The following SNX1 variants were observed in gnomAD, a reference collection of about 807,000 sequenced individuals.
SNX1 encodes the protein sorting nexin-1.
Under a neutral mutation model 71.8 loss-of-function variants are expected in SNX1, and 36 were observed. The observed-to-expected ratio is 0.50, with a 90% CI of 0.38 to 0.66. The LOEUF (loss-of-function observed/expected upper bound fraction) is 0.66. Ranked by LOEUF, SNX1 falls within the 30% of genes least tolerant of loss-of-function variation. SNX1 has a pLI of 0.00. For missense variants in SNX1, 612 were observed against 646.7 expected (o/e 0.95, Z 0.58); for synonymous variants, 254 against 240.7 (o/e 1.06, Z -0.51).
intron 1 of SNX1, among the ~76,000 whole-genome samples, chr15:64,111,948 C>T (rs1372961131): frequency 1.3e-5 from 2 of 152,224 alleles, no homozygotes. Flanking sequence ...ACTGTATTTT[C>T]ACCATGTGCT....
At chr15:64,100,327 C>T (rs117220873) in intron 1 of SNX1, among the ~76,000 whole-genome samples, 1,665 of 152,236 alleles carry the variant, frequency 0.011, 14 homozygotes, top group Middle Eastern at 0.034. Context: ...ATTGGCCAGG[C>T]GCAGTGGCTC....
intron 1 of SNX1, among the ~76,000 whole-genome samples, chr15:64,097,813 C>T (rs1339004783): frequency 6.6e-6 from 1 of 152,140 alleles, no homozygotes; most frequent in Non-Finnish European, 1.5e-5. Flanking sequence ...GTGTAACCAA[C>T]TAAATAAAAC....
At position 64,140,983 on chromosome 15, in the gene SNX1, T is replaced by TGATAGATTGATAGATAGATA. The variant is rs2081406976; in HGVS notation, c.*3372_*3373insTGATAGATAGATAGATAGAT. The TGATAGATTGATAGATAGATA allele has an allele frequency of 1.3e-5, 2 of 148,780 alleles. No homozygotes were observed. The highest frequency in any genetic ancestry group is 3.0e-5 in the Non-Finnish European group (2 of 67,662). The allele number at this position is 148,780 out of a possible 1,614,324, so 9.2% of individuals were successfully genotyped here. A position where few individuals can be genotyped will look rare whatever the true frequency, so the allele number is the denominator to read the frequency against. ...GCTCTCACCATACAGTGCAAAGAGA[T>TGATAGATTGATAGATAGATA]GATAGATAGATAGATAGATAGATAG... On this transcript the variant is annotated 3_prime_UTR_variant, in exon 15 of 15. Coordinates refer to ENST00000559844, the MANE Select transcript of SNX1 (RefSeq NM_003099.5).
chr15:64,100,817 A>T (rs796752339), intron 1 of SNX1, among the ~76,000 whole-genome samples: 4 of 152,248 alleles, frequency 2.6e-5, no homozygotes, highest in African/African-American at 9.6e-5. Flanking sequence ...TTGTTTGTTG[A>T]TAAATAAATA....
intron 5 of SNX1, 89 bp from the exon 6 acceptor site, chr15:64,125,990 A>G: frequency 5.8e-6 from 8 of 1,379,796 alleles, no homozygotes; most frequent in Non-Finnish European, 8.2e-6. Flanking sequence ...GATCTGGGAA[A>G]TGGGTTTCTT....
chr15:64,142,675 G>T lies in SNX1; in HGVS notation c.*5057G>T, dbSNP rs1649853766. ...TAAGCCAAGTTTTTTTAGATAAAAG[G>T]TATGGAACCTGCTTTCCCCTTGGCT... On this transcript the variant is annotated 3_prime_UTR_variant, in exon 15 of 15. Coordinates refer to ENST00000559844, the MANE Select transcript of SNX1 (RefSeq NM_003099.5). The T allele has an allele frequency of 4.4e-6, 2 of 456,036 alleles. No individual in the cohort carries two copies. Among genetic ancestry groups the T allele is most frequent in the East Asian group, 6.9e-5 (1 of 14,400 alleles). The allele number at this position is 456,036 out of a possible 1,614,324, so 28.2% of individuals were successfully genotyped here. A position where few individuals can be genotyped will look rare whatever the true frequency, so the allele number is the denominator to read the frequency against.
intron 5 of SNX1, among the ~76,000 whole-genome samples, chr15:64,124,241 T>G (rs1282658999): frequency 6.7e-6 from 1 of 149,164 alleles, no homozygotes. Flanking sequence ...TCACGGTGGC[T>G]CACGCCTGTA....
intron 6 of SNX1, 64 bp from the exon 7 acceptor site, chr15:64,127,105 TAAAAA>T: frequency 9.2e-7 from 1 of 1,085,176 alleles, no homozygotes; most frequent in Admixed American, 2.3e-5. Flanking sequence ...TGTTGACACT[TAAAAA>T]AAAAAAAGAT....
At position 64,134,668 on chromosome 15, in the gene SNX1, C is replaced by T; in HGVS notation, c.1226C>T (p.Ala409Val). The T allele has an allele frequency of 6.2e-7, 1 of 1,610,944 alleles. No individual in the cohort carries two copies. Among genetic ancestry groups the T allele is most frequent in the Non-Finnish European group, 8.5e-7 (1 of 1,178,724 alleles). The change falls in exon 12 of 15, where the codon GCC (alanine) becomes GTC (valine). Residue 409 changes from alanine to valine, a missense_variant. This residue lies in a region of SNX1 where 296 missense variants were observed against 361.9 expected (regional missense o/e 0.82). Transcript: ENST00000559844. This position sits in a 1 kb window ranked among gnomAD's most constrained non-coding sequence, Gnocchi z 4.1. ...TCCTCAACCCCACCCCCACAGGCTG[C>T]CTTCGACCAGCGCATGAAGACATGG... The part of the protein sequence containing the change: ...YIRLLAIVRA[A>V]FDQRMKTWQR...
intron 1 of SNX1, among the ~76,000 whole-genome samples, chr15:64,109,197 C>G (rs986025315): frequency 6.6e-6 from 1 of 151,946 alleles, no homozygotes; most frequent in African/African-American, 2.4e-5. Flanking sequence ...ATGGTGAAAC[C>G]CCGTCTCTAC....
chr15:64,109,230 G>A (rs2081053617), intron 1 of SNX1, among the ~76,000 whole-genome samples: 1 of 151,982 alleles, frequency 6.6e-6, no homozygotes, highest in African/African-American at 2.4e-5. Context: ...AAAGTTAGTT[G>A]GGTGTGGTGG....
intron 1 of SNX1, among the ~76,000 whole-genome samples, chr15:64,098,824 A>G (rs1375943565): frequency 6.6e-6 from 1 of 152,162 alleles, no homozygotes; most frequent in Non-Finnish European, 1.5e-5. Flanking sequence ...CCTAATTTCC[A>G]GCTAAAAGAG....
intron 2 of SNX1, among the ~76,000 whole-genome samples, chr15:64,116,265 A>G (rs540433451): frequency 6.6e-6 from 1 of 152,346 alleles, no homozygotes; most frequent in South Asian, 2.1e-4. Flanking sequence ...TTGCATCCTC[A>G]CATTGAGTAA....
chr15:64,137,562 TTGCAGC>T lies in SNX1; in HGVS notation c.1519-3_1521del, dbSNP rs1253107330. Reference sequence around the variant, plus strand: ...GCACTTGCTTAATGTCCCCACTTCTTTGCAGCTGGCAAAGTACTGGGAAGCCTTCCT... The same window carrying T: ...GCACTTGCTTAATGTCCCCACTTCTTTGGCAAAGTACTGGGAAGCCTTCCT... On this transcript the variant is annotated splice_acceptor_variant and splice_polypyrimidine_tract_variant and coding_sequence_variant and intron_variant, in exon 15 of 15. Transcript: ENST00000559844. LOFTEE classifies it high-confidence loss of function. 1 of 1,614,160 alleles carries T rather than the reference TTGCAGC, an allele frequency of 6.2e-7. No individual in the cohort carries two copies. Among genetic ancestry groups the T allele is most frequent in the Non-Finnish European group, 8.5e-7 (1 of 1,180,004 alleles).
Position 64,143,065 on chromosome 15 carries a change from G to T in SNX1, c.*5447G>T, listed in dbSNP as rs556298744. 3.4e-5 allele frequency: 6 copies of T among 177,754 alleles called. 1 individual carries two copies. The South Asian group carries it at 7.1e-4, about 21-fold the overall frequency. The allele number at this position is 177,754 out of a possible 1,614,324, so 11.0% of individuals were successfully genotyped here. On this transcript the variant is annotated 3_prime_UTR_variant, in exon 15 of 15. Coordinates refer to ENST00000559844, the MANE Select transcript of SNX1 (RefSeq NM_003099.5). ...AGCCCATAGACTTCAAGGACATCAA[G>T]CCCCAAGGTGGTGGGATTTTCCCCA...
rs1239082543 is a variant in SNX1, at chr15:64,142,750, G to A, written c.*5132G>A. 1.3e-5 allele frequency: 6 copies of A among 455,462 alleles called. No individual in the cohort carries two copies. In the Admixed American group the frequency reaches 1.4e-4, roughly 11 times the overall value. The allele number at this position is 455,462 out of a possible 1,614,324, so 28.2% of individuals were successfully genotyped here. A position where few individuals can be genotyped will look rare whatever the true frequency, so the allele number is the denominator to read the frequency against. ...GCTGAAGATGAGGACTGGACTTCGA[G>A]CTGGTGTGATCCCAGTATTCAGTGT... On this transcript the variant is annotated 3_prime_UTR_variant, in exon 15 of 15. Coordinates refer to ENST00000559844, the MANE Select transcript of SNX1 (RefSeq NM_003099.5).
chr15:64,124,144 T>TTGCATATATATATATATA (rs1567327009), intron 5 of SNX1, among the ~76,000 whole-genome samples: 1 of 60,978 alleles, frequency 1.6e-5, no homozygotes, highest in African/African-American at 2.2e-4. Context: ...TAAGAAATCT[T>TTGCATATATATATATATA]TACATATATA....
At chr15:64,122,908 T>C (rs914860532) in intron 4 of SNX1, among the ~76,000 whole-genome samples, 2 of 152,012 alleles carry the variant, frequency 1.3e-5, no homozygotes, top group African/African-American at 4.8e-5. Context: ...AAAGGGAGAT[T>C]TGTGTGACAT....
chr15:64,131,770 C>G lies in SNX1; in HGVS notation c.1099C>G (p.Leu367Val). 1.2e-6 allele frequency: 2 copies of G among 1,614,228 alleles called. No homozygotes were observed. Among genetic ancestry groups the G allele is most frequent in the Non-Finnish European group, 1.7e-6 (2 of 1,180,046 alleles). Reference sequence around the variant, plus strand: ...GGACAACACGGCATTGTCACGGGCACTCTCCCAGCTGGCTGAGGTGGAAGA... The same window carrying G: ...GGACAACACGGCATTGTCACGGGCAGTCTCCCAGCTGGCTGAGGTGGAAGA... Reference protein sequence around the residue: ...SEDNTALSRALSQLAEVEEKI... With the variant: ...SEDNTALSRAVSQLAEVEEKI... Residue 367 changes from leucine (L) to valine (V), a missense_variant, in exon 11 of 15, where the codon CTC (leucine) becomes GTC (valine). Transcript: ENST00000559844.
Sources: allele counts gnomAD v4.1 joint callset (sites outside exome capture counted in the v4.1 genomes callset), GRCh38; gene constraint gnomAD v4.1.1; regional missense constraint gnomAD v4.1.1; non-coding constraint Gnocchi (gnomAD v3.1); transcripts MANE v1.5; gene names NCBI Gene and HGNC (gene_info 2026-07-23, HGNC 2026-07-21).